The following ZBTB20 variants were observed in gnomAD, a reference collection of about 807,000 sequenced individuals.
ZBTB20 encodes the protein zinc finger and BTB domain containing 20, also known as zinc finger and BTB domain-containing protein 20.
ZBTB20 carries 9 observed loss-of-function variants against 56.9 expected under a neutral mutation model. That is an observed-to-expected ratio of 0.16 (90% CI 0.10 to 0.28). ZBTB20 has a LOEUF of 0.28. ZBTB20 is among the 10% of genes least tolerant of loss of function. The pLI, the probability that ZBTB20 is intolerant of heterozygous loss-of-function variation, is 1.00. For missense variants in ZBTB20, 655 were observed against 1,003.0 expected, an observed-to-expected ratio of 0.65 and a Z score of 4.69; for synonymous variants, 417 against 420.7, an observed-to-expected ratio of 0.99 and a Z score of 0.11.
intron 6 of ZBTB20, among the ~76,000 whole-genome samples, chr3:114,559,427 C>T (rs1375700256): frequency 6.6e-6 from 1 of 152,066 alleles, no homozygotes; most frequent in East Asian, 1.9e-4. Context: ...ATCTTGTTAG[C>T]CCAGTCAGTC....
chr3:115,042,616 GTTTGAC>G (rs1357701487), intron 2 of ZBTB20, among the ~76,000 whole-genome samples: 1 of 152,002 alleles, frequency 6.6e-6, no homozygotes, highest in African/African-American at 2.4e-5. Context: ...AATAGTTTTC[GTTTGAC>G]TTTGAATTAC....
chr3:114,567,006 T>C (rs2052840009), intron 6 of ZBTB20, among the ~76,000 whole-genome samples: 1 of 152,214 alleles, frequency 6.6e-6, no homozygotes, highest in Non-Finnish European at 1.5e-5. Flanking sequence ...TTTATGTCTG[T>C]GCTTTTGCCT....
At chr3:115,145,907 T>C (rs1414675544) in intron 1 of ZBTB20, among the ~76,000 whole-genome samples, 2 of 152,232 alleles carry the variant, frequency 1.3e-5, no homozygotes, top group African/African-American at 2.4e-5. Context: ...TAGCGTTCAC[T>C]TGAAAACATT....
At chr3:114,885,905 C>A (rs1177117122) in intron 4 of ZBTB20, among the ~76,000 whole-genome samples, 1 of 152,076 alleles carries the variant, frequency 6.6e-6, no homozygotes, top group Non-Finnish European at 1.5e-5. Context: ...TTAATATAAT[C>A]ACTCTATTAA....
chr3:114,484,731 A>G (rs2041915960), intron 7 of ZBTB20, among the ~76,000 whole-genome samples: 1 of 152,176 alleles, frequency 6.6e-6, no homozygotes, highest in African/African-American at 2.4e-5. Flanking sequence ...GTTGGAATGC[A>G]GAGAGGCCCC....
At chr3:114,638,537 C>G (rs140482072) in intron 6 of ZBTB20, among the ~76,000 whole-genome samples, 3 of 152,186 alleles carry the variant, frequency 2.0e-5, no homozygotes, top group African/African-American at 7.2e-5. Context: ...ATTCACCAAA[C>G]TGTTCTTCCT....
chr3:114,997,776 G>A (rs535369616), intron 2 of ZBTB20, among the ~76,000 whole-genome samples: 2 of 151,790 alleles, frequency 1.3e-5, no homozygotes, highest in Non-Finnish European at 1.5e-5. Context: ...ATGAAAAGAG[G>A]ATACCACTAG....
intron 7 of ZBTB20, among the ~76,000 whole-genome samples, chr3:114,474,635 T>C (rs1255697135): frequency 6.6e-6 from 1 of 152,154 alleles, no homozygotes; most frequent in African/African-American, 2.4e-5. Context: ...ACTCAGTGTG[T>C]TCAAAATTAA....
intron 5 of ZBTB20, among the ~76,000 whole-genome samples, chr3:114,765,409 A>G (rs2068720016): frequency 6.6e-6 from 1 of 152,156 alleles, no homozygotes; most frequent in South Asian, 2.1e-4. Flanking sequence ...AGAATGCTAT[A>G]TTAAAGATGA....
intron 6 of ZBTB20, among the ~76,000 whole-genome samples, chr3:114,606,796 T>TA (rs368359020): frequency 0.021 from 3,232 of 152,028 alleles, 110 homozygotes; most frequent in African/African-American, 0.073. Context: ...TTTGAATATT[T>TA]AAAAAAAACA....
At chr3:115,120,563 C>T (rs191816462) in intron 1 of ZBTB20, among the ~76,000 whole-genome samples, 10 of 152,062 alleles carry the variant, frequency 6.6e-5, no homozygotes, top group East Asian at 3.9e-4. Context: ...GTAAGCCAGA[C>T]GGGGGCAAAT....
intron 4 of ZBTB20, among the ~76,000 whole-genome samples, chr3:114,892,225 C>CTTA (rs2076840292): frequency 6.6e-6 from 1 of 152,130 alleles, no homozygotes; most frequent in Non-Finnish European, 1.5e-5. Context: ...TTTTACATTC[C>CTTA]GTCTTGCTAA....
At chr3:115,030,422 C>T (rs1259602595) in intron 2 of ZBTB20, among the ~76,000 whole-genome samples, 1 of 151,174 alleles carries the variant, frequency 6.6e-6, no homozygotes, top group Non-Finnish European at 1.5e-5. Flanking sequence ...TATTACTCCA[C>T]CCCTATGATT....
intron 3 of ZBTB20, among the ~76,000 whole-genome samples, chr3:114,925,470 G>C (rs2076120645): frequency 6.6e-6 from 1 of 152,084 alleles, no homozygotes; most frequent in Admixed American, 6.6e-5. Flanking sequence ...CTTAAGAAAG[G>C]GTAACATTTT....
At chr3:114,964,541 G>A (rs1238512060) in intron 3 of ZBTB20, among the ~76,000 whole-genome samples, 1 of 152,188 alleles carries the variant, frequency 6.6e-6, no homozygotes, top group African/African-American at 2.4e-5. Flanking sequence ...CTCTGCTGGT[G>A]AAATAGCAAG....
rs529247831 is a variant in ZBTB20 at position 114,394,311 on chromosome 3, A to T, written c.-254-5206T>A. On this transcript the variant is annotated intron_variant, in intron 7 of 11. Coordinates refer to ENST00000675478, the MANE Select transcript of ZBTB20 (RefSeq NM_001348800.3). ...GATAGTGAGGCCAGAATCCAAACCC[A>T]GATCTCTCTGAGTCTAAATCTGTAC... Among the ~76,000 whole-genome samples the T allele has an allele frequency of 1.8e-4, 27 of 152,302 alleles. No individual in the cohort carries two copies. The South Asian group carries it at 5.0e-3, about 28-fold the overall frequency.
chr3:114,686,963 C>T (rs2062378699), intron 6 of ZBTB20, among the ~76,000 whole-genome samples: 1 of 152,052 alleles, frequency 6.6e-6, no homozygotes, highest in African/African-American at 2.4e-5. Flanking sequence ...ACAACAACAA[C>T]AAGAGCAACA....
intron 7 of ZBTB20, among the ~76,000 whole-genome samples, chr3:114,472,844 A>G (rs2040296924): frequency 6.6e-6 from 1 of 152,220 alleles, no homozygotes; most frequent in Non-Finnish European, 1.5e-5. Context: ...AACAAGAGCT[A>G]TGTGAAAGGT....
In ZBTB20 at chr3:114,976,246, G is replaced by T. The variant is rs182796233; in HGVS notation, c.-506-1830C>A. 2.0e-5 allele frequency among the ~76,000 whole-genome samples: 3 copies of T among 152,274 alleles called. No individual in the cohort carries two copies. The East Asian group carries it at 5.8e-4, about 29-fold the overall frequency. On this transcript the variant is annotated intron_variant, in intron 2 of 11. Coordinates refer to ENST00000675478, the MANE Select transcript of ZBTB20 (RefSeq NM_001348800.3). ...GAGAGTTACCTGGCCTGATATTTTA[G>T]ATAGATTTGGACAGGGAAACTTCTC...
Sources: allele counts gnomAD v4.1 joint callset (sites outside exome capture counted in the v4.1 genomes callset), GRCh38; gene constraint gnomAD v4.1.1; transcripts MANE v1.5; gene names NCBI Gene and HGNC (gene_info 2026-07-23, HGNC 2026-07-21).